The following ZNF705A variants were observed in gnomAD, a reference collection of about 807,000 sequenced individuals.
ZNF705A encodes zinc finger protein 705A.
Under a neutral mutation model 16.6 loss-of-function variants are expected in ZNF705A, and 8 were observed. That is an observed-to-expected ratio of 0.48 (90% CI 0.28 to 0.87). The LOEUF (loss-of-function observed/expected upper bound fraction) is 0.87, where lower values mean the gene tolerates loss of function less well. Ranked by LOEUF, ZNF705A falls within the 40% of genes least tolerant of loss-of-function variation. The pLI is 0.10. For synonymous variants in ZNF705A, 73 were observed against 117.3 expected (o/e 0.62, Z 2.44); for missense variants, 233 against 359.9 (o/e 0.65, Z 2.85).
intron 1 of ZNF705A, among the ~76,000 whole-genome samples, chr12:8,164,981 G>T (rs11836670): frequency 1.3e-5 from 2 of 151,968 alleles, no homozygotes; most frequent in Non-Finnish European, 2.9e-5. Flanking sequence ...ATATCTCAAC[G>T]GCCTCATCAG....
At chr12:8,172,484 TG>T, upstream of ZNF705A, 1 of 1,093,072 alleles carries the variant, frequency 9.1e-7, no homozygotes, top group Non-Finnish European at 1.4e-6. Flanking sequence ...AGTGAAAGTC[TG>T]GCTTTTCATC....
exon 5 of ZNF705A, chr12:8,177,193 A>C (rs767688012): frequency 4.3e-5 from 70 of 1,611,900 alleles, no homozygotes; most frequent in Non-Finnish European, 5.8e-5. Context: ...AAGGTAAATC[A>C]TATCAATGTA....
At chr12:8,176,936 G>C in intron 4 of ZNF705A, 63 bp from the exon 6 acceptor site, 1 of 1,566,856 alleles carries the variant, frequency 6.4e-7, no homozygotes, top group Non-Finnish European at 8.7e-7. Context: ...TTCAAAGGTA[G>C]TGAAATGAAT....
At position 8,177,682 on chromosome 12, in the gene ZNF705A, C is replaced by T. The variant is rs148027435; in HGVS notation, c.*99C>T. ...GTCTTAAATAGCATCAGAAAATTCA[C>T]GCTGGAGAGAAAATTATAAACTTCT... is the stretch of plus-strand genomic sequence containing the variant. On this transcript the variant is annotated 3_prime_UTR_variant, in exon 5 of 5. Transcript: ENST00000359286. 879 of 1,537,032 alleles carry T rather than the reference C, an allele frequency of 5.7e-4. 9 individuals are homozygous for T. In the South Asian group the frequency reaches 8.9e-3, roughly 15 times the overall value.
At chr12:8,172,022 C>A (rs751894764), upstream of ZNF705A, among the ~76,000 whole-genome samples, 6 of 152,306 alleles carry the variant, frequency 3.9e-5, no homozygotes, top group East Asian at 9.6e-4. Flanking sequence ...CAGGCATGAG[C>A]CGCCACACTC....
intron 1 of ZNF705A, among the ~76,000 whole-genome samples, chr12:8,164,275 T>G (rs1948380897): frequency 6.6e-6 from 1 of 152,220 alleles, no homozygotes; most frequent in Non-Finnish European, 1.5e-5. Flanking sequence ...ACCACCATTC[T>G]ACTCTCTGCT....
chr12:8,162,880 A>G (rs985436036), intron 1 of ZNF705A, among the ~76,000 whole-genome samples: 1 of 152,152 alleles, frequency 6.6e-6, no homozygotes, highest in Non-Finnish European at 1.5e-5. Flanking sequence ...GAAACTCCAA[A>G]GTGCTTTGTT....
At chr12:8,165,344 G>A (rs772484619) in intron 1 of ZNF705A, among the ~76,000 whole-genome samples, 328 of 141,058 alleles carry the variant, frequency 2.3e-3, no homozygotes, top group Middle Eastern at 8.2e-3. Flanking sequence ...GTGCAGTGGC[G>A]TGATCTCGGC....
intron 1 of ZNF705A, among the ~76,000 whole-genome samples, chr12:8,173,346 T>C (rs1948460056): frequency 1.3e-5 from 2 of 152,202 alleles, no homozygotes; most frequent in Non-Finnish European, 2.9e-5. Context: ...TTAATTACGG[T>C]TGCACACTCA....
chr12:8,176,077 CT>C (rs1277141490), intron 4 of ZNF705A, 135 bp downstream of exon 5: 6 of 1,379,294 alleles, frequency 4.4e-6, no homozygotes, highest in Non-Finnish European at 6.0e-6. Context: ...AAATTGAATA[CT>C]TTGAATTTAG....
chr12:8,177,676 A>G (rs1023657493), exon 5 of ZNF705A: 1 of 1,558,048 alleles, frequency 6.4e-7, no homozygotes, highest in Non-Finnish European at 8.7e-7. Flanking sequence ...AGCATCAGAA[A>G]ATTCACGCTG....
At chr12:8,179,657 G>A (rs753924027) in exon 5 of ZNF705A, 9 of 152,326 alleles carry the variant, frequency 5.9e-5, no homozygotes, top group Non-Finnish European at 1.5e-5. Context: ...TCTGCAGCCA[G>A]GGTTTATGTC....
upstream of ZNF705A, among the ~76,000 whole-genome samples, chr12:8,169,748 A>G (rs903375152): frequency 6.6e-6 from 1 of 152,242 alleles, no homozygotes; most frequent in Non-Finnish European, 1.5e-5. Flanking sequence ...TTGAGACCTA[A>G]TACTGCATTC....
chr12:8,170,018 C>T (rs1948431885), upstream of ZNF705A, among the ~76,000 whole-genome samples: 1 of 152,038 alleles, frequency 6.6e-6, no homozygotes, highest in African/African-American at 2.4e-5. Flanking sequence ...GGAGAAACCC[C>T]GTCTCGACTA....
upstream of ZNF705A, among the ~76,000 whole-genome samples, chr12:8,169,655 G>A (rs561675862): frequency 7.2e-5 from 11 of 152,284 alleles, no homozygotes; most frequent in East Asian, 1.5e-3. Context: ...ATTAAAGGAA[G>A]GGAAAAGACA....
intron 2 of ZNF705A, 30 bp from the exon 4 acceptor site, chr12:8,175,198 T>G (rs1216492660): frequency 6.3e-7 from 1 of 1,585,914 alleles, no homozygotes; most frequent in Non-Finnish European, 8.5e-7. Context: ...GACAGTGAAC[T>G]CAAAACACAT....
intron 1 of ZNF705A, among the ~76,000 whole-genome samples, chr12:8,173,664 A>G (rs11043743): frequency 0.55 from 83,788 of 151,220 alleles, 23,370 homozygotes; most frequent in African/African-American, 0.6. Context: ...TATAACGTTA[A>G]AGAGACTATA....
upstream of ZNF705A, among the ~76,000 whole-genome samples, chr12:8,169,157 G>T (rs1173333628): frequency 1.3e-5 from 2 of 151,970 alleles, no homozygotes; most frequent in Non-Finnish European, 1.5e-5. Context: ...TAAAATGTGA[G>T]ATTTTTCCTC....
chr12:8,175,520 C>A (rs989807657), intron 3 of ZNF705A, among the ~76,000 whole-genome samples, 197 bp downstream of exon 4: 4 of 152,040 alleles, frequency 2.6e-5, no homozygotes, highest in African/African-American at 9.7e-5. Context: ...TCTTTTTTTA[C>A]TTTTCTTTCA....
Sources: allele counts gnomAD v4.1 joint callset (sites outside exome capture counted in the v4.1 genomes callset), GRCh38; gene constraint gnomAD v4.1.1; transcripts MANE v1.5; gene names NCBI Gene and HGNC (gene_info 2026-07-23, HGNC 2026-07-21).